The following HPSE2 variants were observed in gnomAD, a reference collection of about 807,000 sequenced individuals.
The protein encoded by HPSE2 is inactive heparanase-2.
In HPSE2, 38 loss-of-function variants were observed where a neutral mutation model predicts 60.5. That is an observed-to-expected ratio of 0.63 (90% CI 0.48 to 0.82). The LOEUF (loss-of-function observed/expected upper bound fraction) is 0.82, where lower values mean the gene tolerates loss of function less well. Ranked by LOEUF, HPSE2 falls within the 40% of genes least tolerant of loss-of-function variation. The pLI, the probability that HPSE2 is intolerant of heterozygous loss-of-function variation, is 0.00. For synonymous variants in HPSE2, 295 were observed against 293.2 expected, an observed-to-expected ratio of 1.01 and a Z score of -0.06; for missense variants, 713 against 740.4, an observed-to-expected ratio of 0.96 and a Z score of 0.43.
chr10:99,177,221 A>G (rs201421683), intron 2 of HPSE2, among the ~76,000 whole-genome samples: 1 of 149,486 alleles, frequency 6.7e-6, no homozygotes, highest in African/African-American at 2.5e-5. Context: ...AACTAATGGG[A>G]AAAAAAAAAC....
At chr10:98,644,756 C>A (rs1259785499) in intron 6 of HPSE2, among the ~76,000 whole-genome samples, 1 of 152,144 alleles carries the variant, frequency 6.6e-6, no homozygotes, top group Non-Finnish European at 1.5e-5. Context: ...CTTCTTGAAC[C>A]CAGAAATGGT....
chr10:99,025,178 G>T (rs889828550), intron 3 of HPSE2, among the ~76,000 whole-genome samples: 1 of 152,136 alleles, frequency 6.6e-6, no homozygotes, highest in Non-Finnish European at 1.5e-5. Flanking sequence ...GCAGAGAGAT[G>T]AAGTTAAGGT....
intron 3 of HPSE2, among the ~76,000 whole-genome samples, chr10:99,118,951 G>A (rs867319717): frequency 1.3e-5 from 2 of 151,680 alleles, no homozygotes; most frequent in South Asian, 2.1e-4. Context: ...GGGAGGTGGA[G>A]GTTGAAGTGA....
chr10:98,960,746 T>TG (rs764756701), intron 3 of HPSE2, among the ~76,000 whole-genome samples: 1 of 129,862 alleles, frequency 7.7e-6, no homozygotes, highest in Non-Finnish European at 1.7e-5. Flanking sequence ...TTTTATTTTT[T>TG]TTTTTATTAT....
intron 2 of HPSE2, among the ~76,000 whole-genome samples, chr10:99,164,898 A>T (rs1847009658): frequency 6.6e-6 from 1 of 151,202 alleles, no homozygotes; most frequent in African/African-American, 2.5e-5. Context: ...ATCCTGGCTA[A>T]CATGGTGAAA....
chr10:98,977,116 C>T (rs1956103664), intron 3 of HPSE2, among the ~76,000 whole-genome samples: 1 of 152,150 alleles, frequency 6.6e-6, no homozygotes, highest in Non-Finnish European at 1.5e-5. Flanking sequence ...AGTACATTTC[C>T]ATTGTTTTAT....
chr10:98,951,559 G>C (rs1955357507), intron 3 of HPSE2, among the ~76,000 whole-genome samples: 1 of 152,216 alleles, frequency 6.6e-6, no homozygotes, highest in Non-Finnish European at 1.5e-5. Flanking sequence ...GCCTAGTGTA[G>C]TTGACTTCAA....
At chr10:98,763,159 A>AT (rs957031393) in intron 3 of HPSE2, among the ~76,000 whole-genome samples, 58 of 151,476 alleles carry the variant, frequency 3.8e-4, no homozygotes, top group East Asian at 1.5e-3. Flanking sequence ...TTAAAGACAG[A>AT]TTTTTTTTTA....
chr10:99,030,593 A>G (rs533110281), intron 3 of HPSE2, among the ~76,000 whole-genome samples: 62 of 152,364 alleles, frequency 4.1e-4, no homozygotes, highest in Admixed American at 1.4e-3. Flanking sequence ...GGTTCCTCAA[A>G]AAACTAAAAA....
intron 3 of HPSE2, among the ~76,000 whole-genome samples, chr10:98,824,298 A>T (rs750457869): frequency 2.0e-5 from 3 of 152,160 alleles, no homozygotes; most frequent in Non-Finnish European, 4.4e-5. Flanking sequence ...AGTGCTGGTA[A>T]TGATCTATTT....
chr10:98,968,794 A>G (rs1955878018), intron 3 of HPSE2, among the ~76,000 whole-genome samples: 1 of 151,822 alleles, frequency 6.6e-6, no homozygotes, highest in Non-Finnish European at 1.5e-5. Flanking sequence ...GAGCTAAGCT[A>G]TGAGGATGCA....
chr10:98,504,946 A>G (rs901128486), intron 9 of HPSE2, among the ~76,000 whole-genome samples: 1 of 152,160 alleles, frequency 6.6e-6, no homozygotes, highest in East Asian at 1.9e-4. Context: ...CTTTATAAAA[A>G]TGGTACGTAA....
At chr10:99,232,633 C>A in intron 1 of HPSE2, 128 bp from the exon 2 acceptor site, 2 of 1,085,374 alleles carry the variant, frequency 1.8e-6, no homozygotes, top group Non-Finnish European at 2.7e-6. Flanking sequence ...TGTGCCTGCC[C>A]CAGCCGGCAG....
chr10:98,986,066 G>A (rs188330115), intron 3 of HPSE2, among the ~76,000 whole-genome samples: 71 of 151,988 alleles, frequency 4.7e-4, no homozygotes, highest in African/African-American at 1.5e-3. Flanking sequence ...CCCCACTGTC[G>A]ACACTAGACA....
chr10:98,493,819 T>C (rs1021206325), intron 9 of HPSE2, among the ~76,000 whole-genome samples: 6 of 152,222 alleles, frequency 3.9e-5, no homozygotes, highest in African/African-American at 1.4e-4. Flanking sequence ...GAGGGACATC[T>C]GTCATTTTGC....
the HPSE2 span, among the ~76,000 whole-genome samples, chr10:99,307,978 T>C: frequency 6.6e-6 from 1 of 152,148 alleles, no homozygotes; most frequent in Non-Finnish European, 1.5e-5. Flanking sequence ...GTTAAAGTTA[T>C]CATATGTCCT....
chr10:98,605,747 T>C (rs1179444831), intron 9 of HPSE2, among the ~76,000 whole-genome samples: 2 of 152,190 alleles, frequency 1.3e-5, no homozygotes, highest in Non-Finnish European at 2.9e-5. Flanking sequence ...GCAGGGAGCT[T>C]GAGCTAAACT....
At chr10:99,121,945 T>C (rs888659386) in intron 3 of HPSE2, among the ~76,000 whole-genome samples, 1 of 152,238 alleles carries the variant, frequency 6.6e-6, no homozygotes, top group East Asian at 1.9e-4. Flanking sequence ...AGGTAGCCAT[T>C]AAAAATAATA....
intron 7 of HPSE2, among the ~76,000 whole-genome samples, chr10:98,630,348 C>T (rs532730590): frequency 1.3e-5 from 2 of 152,212 alleles, no homozygotes; most frequent in South Asian, 4.2e-4. Flanking sequence ...CAGGCGCCCG[C>T]CACCACGCCC....
Sources: gnomAD v4.1 joint callset for allele counts (sites outside exome capture counted in the v4.1 genomes callset) on GRCh38, gnomAD v4.1.1 for gene constraint, MANE v1.5 for transcripts, NCBI Gene and HGNC (gene_info 2026-07-23, HGNC 2026-07-21) for gene names.